The following ARHGAP39 variants were observed in gnomAD, a reference collection of about 807,000 sequenced individuals.
The protein encoded by ARHGAP39 is Rho GTPase activating protein 39, also known as rho GTPase-activating protein 39.
A neutral mutation model predicts 106.9 loss-of-function variants in ARHGAP39; 44 were observed. The ratio of observed to expected loss-of-function variants is 0.41; its 90% CI spans 0.32 to 0.53. The LOEUF (loss-of-function observed/expected upper bound fraction) is 0.53, where lower values mean the gene tolerates loss of function less well. ARHGAP39 is among the 20% of genes least tolerant of loss of function. ARHGAP39 has a pLI of 0.21. For missense variants in ARHGAP39, 1,496 were observed against 1,577.3 expected, an observed-to-expected ratio of 0.95 and a Z score of 0.87; for synonymous variants, 768 against 693.2, an observed-to-expected ratio of 1.11 and a Z score of -1.69.
chr8:144,575,187 T>C (rs910820165), intron 3 of ARHGAP39, among the ~76,000 whole-genome samples: 5 of 152,206 alleles, frequency 3.3e-5, no homozygotes, highest in Admixed American at 2.6e-4. Context: ...GACTGGCAGT[T>C]GCCGTGCGTG....
intron 1 of ARHGAP39, among the ~76,000 whole-genome samples, chr8:144,617,855 C>T (rs1820678988): frequency 6.6e-6 from 1 of 152,150 alleles, no homozygotes; most frequent in Non-Finnish European, 1.5e-5. Context: ...AATCAGGGGT[C>T]ACTGTAGTCT....
At chr8:144,697,532 T>G in the ARHGAP39 span, among the ~76,000 whole-genome samples, 5 of 152,200 alleles carry the variant, frequency 3.3e-5, no homozygotes, top group African/African-American at 1.2e-4. Flanking sequence ...TTTTTCTTTT[T>G]TTTTGAGAAG....
At chr8:144,620,064 G>A (rs371075078) in intron 1 of ARHGAP39, among the ~76,000 whole-genome samples, 1 of 141,726 alleles carries the variant, frequency 7.1e-6, no homozygotes, top group Non-Finnish European at 1.5e-5. Context: ...CCCTGAGAGC[G>A]TGTCTGTGTG....
intron 8 of ARHGAP39, 148 bp downstream of exon 8, chr8:144,533,981 C>T (rs1001918216): frequency 2.3e-5 from 20 of 859,176 alleles, no homozygotes; most frequent in East Asian, 1.0e-4. Flanking sequence ...GTCAGCCTAG[C>T]GTACCCCGCC....
intron 1 of ARHGAP39, 23 bp from the exon 2 acceptor site, chr8:144,605,718 G>A: frequency 8.9e-7 from 1 of 1,122,180 alleles, no homozygotes; most frequent in Non-Finnish European, 1.3e-6. Context: ...AGAAGCAACA[G>A]TGCTGATATG....
At chr8:144,622,765 G>A (rs1164138614) in intron 1 of ARHGAP39, among the ~76,000 whole-genome samples, 2 of 152,364 alleles carry the variant, frequency 1.3e-5, no homozygotes, top group Admixed American at 1.3e-4. Flanking sequence ...CAAAACCTAA[G>A]TAAAAGCAGG....
Position 144,548,153 on chromosome 8 carries a change from C to G in ARHGAP39, c.933G>C (p.Pro311=). 6.4e-7 allele frequency: 1 copy of G among 1,569,080 alleles called. No individual in the cohort carries two copies. Among genetic ancestry groups the G allele is most frequent in the Non-Finnish European group, 8.6e-7 (1 of 1,156,528 alleles). ...PSSPRYGYEP[P]LYEEPPVEYQ... is the part of the protein sequence containing the mutation. ...ACTCCACTGGGGGCTCCTCGTAGAG[C>G]GGGGGTTCATAGCCATAGCGCGGGG... Residue 311 remains proline (P), a synonymous_variant, in exon 5 of 12, where the codon CCG becomes CCC. Transcript: ENST00000377307. The surrounding 1 kb of genome is among the most constrained non-coding windows in gnomAD (Gnocchi z 7.4).
upstream of ARHGAP39, among the ~76,000 whole-genome samples, chr8:144,686,713 ACTTCACT>A (rs1221308673): frequency 1.3e-5 from 2 of 151,946 alleles, no homozygotes; most frequent in African/African-American, 4.8e-5. Flanking sequence ...CCGTCGTCAC[ACTTCACT>A]CTTCACTCTT....
At chr8:144,539,971 T>C (rs1376379939) in intron 6 of ARHGAP39, among the ~76,000 whole-genome samples, 1 of 152,256 alleles carries the variant, frequency 6.6e-6, no homozygotes, top group Non-Finnish European at 1.5e-5. Flanking sequence ...TATGCGTCGA[T>C]TTGGTAGAAC....
At chr8:144,676,673 C>A (rs951293925) in intron 1 of ARHGAP39, among the ~76,000 whole-genome samples, 1 of 152,264 alleles carries the variant, frequency 6.6e-6, no homozygotes, top group Non-Finnish European at 1.5e-5. Flanking sequence ...CCGGGCACTC[C>A]GGCAGCCCAG....
At chr8:144,618,106 G>A (rs943953987) in intron 1 of ARHGAP39, among the ~76,000 whole-genome samples, 1 of 152,156 alleles carries the variant, frequency 6.6e-6, no homozygotes, top group Non-Finnish European at 1.5e-5. Flanking sequence ...CAATGGAATA[G>A]AATATTTTAA....
At chr8:144,595,087 C>T (rs1819562328) in intron 2 of ARHGAP39, among the ~76,000 whole-genome samples, 1 of 152,232 alleles carries the variant, frequency 6.6e-6, no homozygotes, top group South Asian at 2.1e-4. Context: ...AATTCCACAA[C>T]TAGGTATACA....
chr8:144,653,934 C>T (rs937486791), intron 1 of ARHGAP39, among the ~76,000 whole-genome samples: 2 of 152,212 alleles, frequency 1.3e-5, no homozygotes, highest in African/African-American at 4.8e-5. Context: ...GCTCCCAGCC[C>T]GGCTCTGTGC....
intron 2 of ARHGAP39, among the ~76,000 whole-genome samples, chr8:144,603,035 G>C (rs1820121424): frequency 6.8e-6 from 1 of 146,910 alleles, no homozygotes; most frequent in Admixed American, 6.8e-5. Flanking sequence ...CTGTGTGCGT[G>C]CGTGGAGGCG....
At chr8:144,554,165 G>A (rs1047021173) in intron 4 of ARHGAP39, among the ~76,000 whole-genome samples, 2 of 152,242 alleles carry the variant, frequency 1.3e-5, no homozygotes, top group African/African-American at 4.8e-5. Context: ...ACCTCCAGGA[G>A]GATCCTTGGA....
chr8:144,676,401 C>T (rs1265002296), intron 1 of ARHGAP39, among the ~76,000 whole-genome samples: 2 of 151,842 alleles, frequency 1.3e-5, no homozygotes, highest in East Asian at 1.9e-4. Flanking sequence ...CGTTTACAAA[C>T]CTTGAGCTAG....
At chr8:144,536,311 A>G (rs1039348035) in intron 7 of ARHGAP39, among the ~76,000 whole-genome samples, 2 of 152,118 alleles carry the variant, frequency 1.3e-5, no homozygotes, top group South Asian at 2.1e-4. Context: ...TTAGAGCTAC[A>G]GGACCAGGTC....
intron 2 of ARHGAP39, among the ~76,000 whole-genome samples, chr8:144,588,747 T>A (rs1819276048): frequency 6.6e-6 from 1 of 152,210 alleles, no homozygotes; most frequent in Admixed American, 6.5e-5. Context: ...CAGCAAAGCC[T>A]CAGCAGCCTC....
chr8:144,590,786 C>G (rs1031500997), intron 2 of ARHGAP39, among the ~76,000 whole-genome samples: 6 of 152,134 alleles, frequency 3.9e-5, no homozygotes, highest in African/African-American at 1.4e-4. Context: ...CTAGCCCTGC[C>G]TGGGAACAGA....
Sources: allele counts gnomAD v4.1 joint callset (sites outside exome capture counted in the v4.1 genomes callset), GRCh38; gene constraint gnomAD v4.1.1; non-coding constraint Gnocchi (gnomAD v3.1); transcripts MANE v1.5; gene names NCBI Gene and HGNC (gene_info 2026-07-23, HGNC 2026-07-21).